Variants in RPH3A observed in about 807,000 individuals in gnomAD.
The protein encoded by RPH3A is rabphilin-3A.
RPH3A carries 48 observed loss-of-function variants against 102.2 expected under a neutral mutation model. That is an observed-to-expected ratio of 0.47 (90% CI 0.37 to 0.60). RPH3A has a LOEUF of 0.60. RPH3A is among the 20% of genes least tolerant of loss of function. The probability of loss-of-function intolerance (pLI) is 0.00; values close to 1 mark genes in which losing one functional copy is unlikely to be tolerated. For synonymous variants in RPH3A, 310 were observed against 324.3 expected, an observed-to-expected ratio of 0.96 and a Z score of 0.47; for missense variants, 781 against 910.1, an observed-to-expected ratio of 0.86 and a Z score of 1.83.
chr12:112,610,757 G>A (rs893758091), intron 1 of RPH3A, among the ~76,000 whole-genome samples: 3 of 151,720 alleles, frequency 2.0e-5, no homozygotes, highest in Non-Finnish European at 4.4e-5. Context: ...TCAGCCTCCC[G>A]AGTAGCTAGG....
intron 1 of RPH3A, among the ~76,000 whole-genome samples, chr12:112,707,913 C>T (rs1003867747): frequency 7.2e-5 from 11 of 152,212 alleles, no homozygotes; most frequent in South Asian, 2.1e-4. Flanking sequence ...AGGAGGAAAG[C>T]TCCAATCCAC....
chr12:112,791,570 G>T (rs1205386365), upstream of RPH3A: 2 of 151,674 alleles, frequency 1.3e-5, no homozygotes, highest in African/African-American at 2.4e-5. Context: ...GGTGCTGACC[G>T]CCAATCCCCT....
intron 1 of RPH3A, among the ~76,000 whole-genome samples, chr12:112,619,410 T>C (rs182770088): frequency 1.3e-5 from 2 of 152,068 alleles, no homozygotes; most frequent in African/African-American, 4.8e-5. Flanking sequence ...CTCAGCCTCC[T>C]GAGTAGCTGG....
intron 5 of RPH3A, among the ~76,000 whole-genome samples, chr12:112,857,287 C>T (rs1231949420): frequency 6.6e-6 from 1 of 152,060 alleles, no homozygotes; most frequent in Admixed American, 6.5e-5. Flanking sequence ...GCGTGGCAGG[C>T]AAAACAATGG....
chr12:112,589,119 A>T (rs2039458464), intron 1 of RPH3A, among the ~76,000 whole-genome samples: 2 of 151,776 alleles, frequency 1.3e-5, no homozygotes, highest in African/African-American at 4.8e-5. Flanking sequence ...CCAGGCTGGT[A>T]GAGGGGGCGA....
chr12:112,629,726 C>T (rs1850940719), intron 1 of RPH3A, among the ~76,000 whole-genome samples: 1 of 151,978 alleles, frequency 6.6e-6, no homozygotes, highest in African/African-American at 2.4e-5. Flanking sequence ...ATCCTCCCAC[C>T]TGGGCCTTTC....
In RPH3A at chr12:112,865,284, T is replaced by G. The variant is rs887019125; in HGVS notation, c.231-130T>G. 23 of 1,111,300 alleles carry G rather than the reference T, an allele frequency of 2.1e-5. No homozygotes were observed. In the African/African-American group the frequency reaches 2.8e-4, roughly 14 times the overall value. The allele number at this position is 1,111,300 out of a possible 1,614,324, so 68.8% of individuals were successfully genotyped here. ...GCATGTGCCTTTTCTTGGGGAAGAG[T>G]TCACAACTGTCATCAGACGCACAAC... On this transcript the variant is annotated intron_variant, in intron 5 of 21. Coordinates refer to ENST00000389385, the MANE Select transcript of RPH3A (RefSeq NM_001143854.2).
intron 1 of RPH3A, among the ~76,000 whole-genome samples, chr12:112,712,131 C>T (rs1052431895): frequency 6.6e-6 from 1 of 152,152 alleles, no homozygotes; most frequent in Admixed American, 6.5e-5. Flanking sequence ...CATGCCCGGC[C>T]TCTGTACATT....
chr12:112,800,685 C>A (rs920755982), intron 2 of RPH3A, among the ~76,000 whole-genome samples: 4 of 151,910 alleles, frequency 2.6e-5, no homozygotes, highest in African/African-American at 9.7e-5. Flanking sequence ...GTGAATTCTG[C>A]GGGAGTGCAG....
intron 1 of RPH3A, among the ~76,000 whole-genome samples, chr12:112,637,704 A>G (rs902874070): frequency 6.6e-6 from 1 of 152,122 alleles, no homozygotes; most frequent in African/African-American, 2.4e-5. Flanking sequence ...GCCCCTTTCC[A>G]TATTATGTTA....
At chr12:112,892,562 T>G (rs1287154159) in intron 19 of RPH3A, among the ~76,000 whole-genome samples, 1 of 152,228 alleles carries the variant, frequency 6.6e-6, no homozygotes, top group Non-Finnish European at 1.5e-5. Context: ...GTGTCCCTGC[T>G]AGCGTCAGTT....
At chr12:112,687,609 A>G (rs904851136) in intron 1 of RPH3A, among the ~76,000 whole-genome samples, 5 of 152,234 alleles carry the variant, frequency 3.3e-5, no homozygotes, top group Non-Finnish European at 5.9e-5. Context: ...GGGGAAAGGA[A>G]TAAGCATGTG....
At chr12:112,780,394 G>T (rs7133792) in intron 1 of RPH3A, among the ~76,000 whole-genome samples, 134,162 of 148,856 alleles carry the variant, frequency 0.9, 60,514 homozygotes, top group African/African-American at 0.96. Context: ...TTTCCCTCTG[G>T]AGGCCTCATT....
At chr12:112,723,923 G>A (rs962242157) in intron 1 of RPH3A, among the ~76,000 whole-genome samples, 1 of 152,050 alleles carries the variant, frequency 6.6e-6, no homozygotes, top group Non-Finnish European at 1.5e-5. Flanking sequence ...GTGTGCAGAA[G>A]TTTTAGTAAG....
At chr12:112,881,702 C>A in intron 14 of RPH3A, 70 bp from the exon 15 acceptor site, 1 of 1,099,946 alleles carries the variant, frequency 9.1e-7, no homozygotes. Context: ...AGGGGCTATG[C>A]CCATTGCCGA....
upstream of RPH3A, among the ~76,000 whole-genome samples, chr12:112,786,835 T>C (rs572408791): frequency 2.8e-4 from 43 of 152,344 alleles, no homozygotes; most frequent in South Asian, 2.1e-4. Context: ...ACTCTGTGGC[T>C]GAAGACAACA....
intron 1 of RPH3A, among the ~76,000 whole-genome samples, chr12:112,704,909 G>T (rs12300277): frequency 2.0e-5 from 3 of 152,126 alleles, no homozygotes; most frequent in African/African-American, 7.2e-5. Flanking sequence ...TAAATGGGTC[G>T]TGCTAACAAT....
intron 1 of RPH3A, among the ~76,000 whole-genome samples, chr12:112,651,364 G>A (rs1057499605): frequency 4.1e-5 from 6 of 147,826 alleles, no homozygotes; most frequent in African/African-American, 1.2e-4. Context: ...GTAAGACCTC[G>A]TTACCAAAAA....
chr12:112,805,987 G>A (rs2041454174), intron 2 of RPH3A, among the ~76,000 whole-genome samples: 1 of 152,162 alleles, frequency 6.6e-6, no homozygotes, highest in Non-Finnish European at 1.5e-5. Context: ...AAATGGACTT[G>A]TCAAATGTCT....
Sources: gnomAD v4.1 joint callset for allele counts (sites outside exome capture counted in the v4.1 genomes callset) on GRCh38, gnomAD v4.1.1 for gene constraint, MANE v1.5 for transcripts, NCBI Gene and HGNC (gene_info 2026-07-23, HGNC 2026-07-21) for gene names.